The following ATP8B4 variants were observed in gnomAD, a reference collection of about 807,000 sequenced individuals.
The protein encoded by ATP8B4 is ATPase phospholipid transporting 8B4 (putative).
Under a neutral mutation model 145.6 loss-of-function variants are expected in ATP8B4, and 133 were observed. The ratio of observed to expected loss-of-function variants is 0.91; its 90% CI spans 0.79 to 1.05. ATP8B4 has a LOEUF of 1.05. Ranked by LOEUF, ATP8B4 falls within the 50% of genes least tolerant of loss-of-function variation. ATP8B4 has a pLI of 0.00. For synonymous variants in ATP8B4, 507 were observed against 492.9 expected, an observed-to-expected ratio of 1.03 and a Z score of -0.38; for missense variants, 1,458 against 1,425.2, an observed-to-expected ratio of 1.02 and a Z score of -0.37.
intron 5 of ATP8B4, 21 bp downstream of exon 5, chr15:50,044,573 T>C: frequency 6.5e-7 from 1 of 1,537,532 alleles, no homozygotes; most frequent in South Asian, 1.2e-5. Context: ...ACCTCAAGAA[T>C]GCTCAAGAGC....
intron 13 of ATP8B4, among the ~76,000 whole-genome samples, chr15:49,967,493 G>C (rs1303140401): frequency 6.6e-6 from 1 of 152,114 alleles, no homozygotes; most frequent in African/African-American, 2.4e-5. Context: ...ATCAATAGCT[G>C]AATCGATCAA....
intron 3 of ATP8B4, 42 bp downstream of exon 3, chr15:50,074,085 A>G (rs28450157): frequency 0.036 from 56,244 of 1,557,760 alleles, 1,335 homozygotes; most frequent in African/African-American, 0.093. Context: ...TCTTTAGGTA[A>G]GACCTATCCT....
intron 13 of ATP8B4, among the ~76,000 whole-genome samples, chr15:49,969,261 A>C (rs903247174): frequency 1.3e-5 from 2 of 152,208 alleles, no homozygotes; most frequent in African/African-American, 4.8e-5. Flanking sequence ...AGAAGACAAG[A>C]AATAACTAAC....
At chr15:49,881,373 T>C (rs1482231883) in intron 23 of ATP8B4, among the ~76,000 whole-genome samples, 2 of 152,232 alleles carry the variant, frequency 1.3e-5, no homozygotes, top group Non-Finnish European at 2.9e-5. Flanking sequence ...ATAACTTAAA[T>C]TGTAAATTTA....
At chr15:50,026,328 T>G (rs1033728900) in intron 6 of ATP8B4, among the ~76,000 whole-genome samples, 1 of 152,146 alleles carries the variant, frequency 6.6e-6, no homozygotes, top group Non-Finnish European at 1.5e-5. Flanking sequence ...CAAACTTCAA[T>G]GTACATGAGA....
chr15:49,961,881 C>A, intron 14 of ATP8B4, 96 bp downstream of exon 14: 1 of 1,054,706 alleles, frequency 9.5e-7, no homozygotes, highest in Non-Finnish European at 1.4e-6. Flanking sequence ...CTCATCTGGT[C>A]TTGGTGGAAA....
At chr15:49,973,589 C>T (rs2045378557) in intron 12 of ATP8B4, among the ~76,000 whole-genome samples, 1 of 152,058 alleles carries the variant, frequency 6.6e-6, no homozygotes, top group East Asian at 1.9e-4. Flanking sequence ...TCCCATTTAC[C>T]ATGAAAAGTG....
chr15:50,166,011 C>T (rs1472012189), intron 1 of ATP8B4, among the ~76,000 whole-genome samples: 1 of 114,472 alleles, frequency 8.7e-6, no homozygotes, highest in Admixed American at 8.4e-5. Context: ...ACACACACCT[C>T]ATCTAACTGC....
intron 1 of ATP8B4, among the ~76,000 whole-genome samples, chr15:50,167,746 C>T (rs954534305): frequency 1.3e-5 from 2 of 152,110 alleles, no homozygotes; most frequent in Non-Finnish European, 2.9e-5. Flanking sequence ...TGGCTTTAAG[C>T]AAGTTGGTTA....
Position 49,915,760 on chromosome 15 carries a change from A to G in ATP8B4, c.2141+1174T>C, listed in dbSNP as rs551525667. Among the ~76,000 whole-genome samples, 3 of 152,186 alleles carry G rather than the reference A, an allele frequency of 2.0e-5. No homozygotes were observed. In the East Asian group the frequency reaches 5.8e-4, roughly 29 times the overall value. Reference sequence around the variant, plus strand: ...TAAATTATATTAGTAGTAGCTAATTAAATTTCCCAATTTTTATTTGGCAAA... The same window carrying G: ...TAAATTATATTAGTAGTAGCTAATTGAATTTCCCAATTTTTATTTGGCAAA... On this transcript the variant is annotated intron_variant, in intron 20 of 27. Transcript: ENST00000284509.
intron 2 of ATP8B4, among the ~76,000 whole-genome samples, chr15:50,085,911 T>TGATATATATCATATA (rs1567330741): frequency 4.3e-5 from 4 of 92,046 alleles, no homozygotes. Context: ...TCATATATAT[T>TGATATATATCATATA]TATATATGAT....
intron 12 of ATP8B4, among the ~76,000 whole-genome samples, chr15:49,977,400 G>C (rs1019017041): frequency 6.6e-6 from 1 of 151,898 alleles, no homozygotes; most frequent in African/African-American, 2.4e-5. Flanking sequence ...CTAACAACAA[G>C]GACAGAACTC....
chr15:50,131,862 A>G (rs1289497081), intron 1 of ATP8B4, among the ~76,000 whole-genome samples: 1 of 151,368 alleles, frequency 6.6e-6, no homozygotes, highest in Non-Finnish European at 1.5e-5. Flanking sequence ...TTTAAAAATA[A>G]TGGTTATAAA....
At chr15:50,106,450 A>T (rs538548054) in intron 2 of ATP8B4, among the ~76,000 whole-genome samples, 67 of 152,358 alleles carry the variant, frequency 4.4e-4, no homozygotes, top group Non-Finnish European at 6.5e-4. Flanking sequence ...TTCTGCTATC[A>T]TGATCAAAAT....
At chr15:49,967,370 T>C (rs748997233) in intron 13 of ATP8B4, among the ~76,000 whole-genome samples, 1 of 152,076 alleles carries the variant, frequency 6.6e-6, no homozygotes, top group Non-Finnish European at 1.5e-5. Context: ...GCTAAGAACT[T>C]TGTAAAAAGG....
intron 23 of ATP8B4, among the ~76,000 whole-genome samples, chr15:49,890,853 C>T (rs544484428): frequency 2.3e-4 from 35 of 152,284 alleles, no homozygotes; most frequent in Non-Finnish European, 4.0e-4. Context: ...CGCGAACATG[C>T]CAGGCCACTC....
At chr15:50,127,267 T>C (rs1020562193) in intron 1 of ATP8B4, among the ~76,000 whole-genome samples, 1 of 152,230 alleles carries the variant, frequency 6.6e-6, no homozygotes, top group East Asian at 1.9e-4. Flanking sequence ...TCTCCTTGCA[T>C]AGCACCCTGC....
chr15:50,162,607 C>T (rs931565152), intron 1 of ATP8B4, among the ~76,000 whole-genome samples: 14 of 151,978 alleles, frequency 9.2e-5, no homozygotes, highest in Non-Finnish European at 1.5e-4. Context: ...CCCAGGTTCA[C>T]GCCATTCTCC....
intron 25 of ATP8B4, among the ~76,000 whole-genome samples, chr15:49,872,249 C>G (rs2033774997): frequency 6.6e-6 from 1 of 152,144 alleles, no homozygotes; most frequent in African/African-American, 2.4e-5. Flanking sequence ...GCAATGTTGT[C>G]ACTGTGTGAT....
Sources: gnomAD v4.1 joint callset for allele counts (sites outside exome capture counted in the v4.1 genomes callset) on GRCh38, gnomAD v4.1.1 for gene constraint, MANE v1.5 for transcripts, NCBI Gene and HGNC (gene_info 2026-07-23, HGNC 2026-07-21) for gene names.